Variants in HSF1 observed in about 807,000 individuals in gnomAD.
HSF1 encodes the protein heat shock factor protein 1.
A neutral mutation model predicts 51.7 loss-of-function variants in HSF1; 32 were observed. The observed-to-expected ratio is 0.62, with a 90% CI of 0.47 to 0.83. The LOEUF (loss-of-function observed/expected upper bound fraction) is 0.83, where lower values mean the gene tolerates loss of function less well. HSF1 is among the 40% of genes least tolerant of loss of function. The pLI is 0.00. For missense variants in HSF1, 727 were observed against 717.0 expected, an observed-to-expected ratio of 1.01 and a Z score of -0.16; for synonymous variants, 396 against 309.7, an observed-to-expected ratio of 1.28 and a Z score of -2.92.
At position 144,308,989 on chromosome 8, in the gene HSF1, C is replaced by G. The variant is rs138392604; in HGVS notation, c.201C>G (p.Ala67=). The G allele has an allele frequency of 3.7e-6, 6 of 1,613,832 alleles. No individual in the cohort carries two copies. The African/African-American group carries it at 8.0e-5, about 22-fold the overall frequency. Residue 67 remains alanine, a synonymous_variant, in exon 2 of 13, where the codon GCC becomes GCG. Coordinates refer to ENST00000528838, the MANE Select transcript of HSF1 (RefSeq NM_005526.4). ...AGTACTTCAAGCACAACAACATGGCCAGCTTCGTGCGGCAGCTCAACATGT... is the reference window on the plus strand; with the variant it reads ...AGTACTTCAAGCACAACAACATGGCGAGCTTCGTGCGGCAGCTCAACATGT... ...LPKYFKHNNM[A]SFVRQLNMYG...
At chr8:144,298,010 C>T (rs1315211223) in intron 1 of HSF1, among the ~76,000 whole-genome samples, 6 of 152,184 alleles carry the variant, frequency 3.9e-5, no homozygotes, top group African/African-American at 7.2e-5. Flanking sequence ...TTTGCTGACA[C>T]CTACACTTCT....
chr8:144,313,881 C>T lies in HSF1; in HGVS notation c.1284C>T (p.Ser428=). The stretch of plus-strand genomic sequence containing the variant: ...CCTCGGTGACCGTGCCCGACATGAG[C>T]CTGCCTGACCTTGACAGCAGCCTGG... The part of the protein sequence containing the change: ...FSPSVTVPDM[S]LPDLDSSLAS... Residue 428 remains serine (S), a synonymous_variant, in exon 11 of 13, where the codon AGC becomes AGT. Coordinates refer to ENST00000528838, the MANE Select transcript of HSF1 (RefSeq NM_005526.4). 2 of 1,607,530 alleles carry T rather than the reference C, an allele frequency of 1.2e-6. No homozygotes were observed. Among genetic ancestry groups the T allele is most frequent in the East Asian group, 2.2e-5 (1 of 44,684 alleles).
At chr8:144,308,462 T>A (rs1816371825) in intron 1 of HSF1, among the ~76,000 whole-genome samples, 1 of 152,240 alleles carries the variant, frequency 6.6e-6, no homozygotes, top group Admixed American at 6.5e-5. Flanking sequence ...AAATTAGGGC[T>A]CCATTTCCTT....
intron 4 of HSF1, chr8:144,310,829 T>G: frequency 2.8e-6 from 1 of 354,358 alleles, no homozygotes; most frequent in Middle Eastern, 8.7e-4. Flanking sequence ...GCTCAGGCCT[T>G]GGAAGGGCGG....
Position 144,314,503 on chromosome 8 carries a change from C to G in HSF1, c.*173C>G, listed in dbSNP as rs989808610. On this transcript the variant is annotated 3_prime_UTR_variant, in exon 13 of 13. Transcript: ENST00000528838. ...CCTCTGGTCAGGAGGGTCACCCTGG[C>G]CTGCCAGTCTGCCTTCCCCCAACCC... 5 of 622,102 alleles carry G rather than the reference C, an allele frequency of 8.0e-6. No homozygotes were observed. The Admixed American group carries it at 8.8e-5, about 11-fold the overall frequency. 38.5% of individuals were successfully genotyped at this position (622,102 alleles called of 1,614,324 possible).
At chr8:144,305,433 G>A (rs1307244894) in intron 1 of HSF1, among the ~76,000 whole-genome samples, 1 of 152,058 alleles carries the variant, frequency 6.6e-6, no homozygotes, top group African/African-American at 2.4e-5. Flanking sequence ...CCAAGTAGCT[G>A]GGATTACAGG....
Position 144,312,254 on chromosome 8 carries a change from GC to G in HSF1, c.1142+13del. 6.5e-7 allele frequency: 1 copy of G among 1,536,710 alleles called. No homozygotes were observed. Among genetic ancestry groups the G allele is most frequent in the Non-Finnish European group, 8.7e-7 (1 of 1,145,782 alleles). On this transcript the variant is annotated intron_variant, in intron 9 of 12. Coordinates refer to ENST00000528838, the MANE Select transcript of HSF1 (RefSeq NM_005526.4). ...TAGCCTGCCTGGACAAGTGAGTGCC[GC>G]CCACCCCTGGCCCCACCCACAGCGC... is the stretch of plus-strand genomic sequence containing the variant.
Position 144,311,400 on chromosome 8 carries a change from C to G in HSF1, c.626+18C>G, listed in dbSNP as rs782023628. On this transcript the variant is annotated intron_variant, in intron 6 of 12. Transcript: ENST00000528838. ...AGAAAGATGTGAGGTTTTGGGGATG[C>G]CTGCATCCACCACCCGGGGCCCAGG... 1 of 1,613,606 alleles carries G rather than the reference C, an allele frequency of 6.2e-7. No individual in the cohort carries two copies. Among genetic ancestry groups the G allele is most frequent in the Admixed American group, 1.7e-5 (1 of 60,020 alleles).
intron 1 of HSF1, among the ~76,000 whole-genome samples, chr8:144,302,153 G>A (rs1477575043): frequency 6.0e-5 from 9 of 150,966 alleles, no homozygotes; most frequent in Non-Finnish European, 7.4e-5. Flanking sequence ...GCGACACAGC[G>A]AGACTCCGTC....
At position 144,291,848 on chromosome 8, in the gene HSF1, A is replaced by G. The variant is rs782602746; in HGVS notation, c.91A>G (p.Thr31Ala). The G allele has an allele frequency of 2.7e-5, 42 of 1,542,874 alleles. No individual in the cohort carries two copies. Among genetic ancestry groups the G allele is most frequent in the Non-Finnish European group, 3.6e-5 (41 of 1,149,824 alleles). ...GTGGACCCTCGTGAGCGACCCGGACACCGACGCGCTCATCTGCTGGAGCCC... is the reference window on the plus strand; with the variant it reads ...GTGGACCCTCGTGAGCGACCCGGACGCCGACGCGCTCATCTGCTGGAGCCC... ...KLWTLVSDPD[T>A]DALICWSPSG... Residue 31 changes from threonine (T) to alanine (A), a missense_variant, in exon 1 of 13, where the codon ACC (threonine) becomes GCC (alanine). By Grantham distance (58) the Thr-to-Ala change is moderately conservative. This residue lies in a region of HSF1 where 257 missense variants were observed against 318.3 expected (regional missense o/e 0.81). Transcript: ENST00000528838. The surrounding 1 kb of genome is among the most constrained non-coding windows in gnomAD (Gnocchi z 4.1).
intron 1 of HSF1, among the ~76,000 whole-genome samples, chr8:144,301,048 C>T (rs138224530): frequency 0.014 from 2,206 of 152,290 alleles, 54 homozygotes; most frequent in African/African-American, 0.05. Context: ...AAAAACTTAG[C>T]CGAGCTTCAA....
intron 1 of HSF1, among the ~76,000 whole-genome samples, chr8:144,308,228 G>A (rs1171193136): frequency 1.3e-5 from 2 of 152,278 alleles, no homozygotes; most frequent in Non-Finnish European, 2.9e-5. Context: ...TGGGCTTCTC[G>A]CTGTCCCCTA....
Position 144,291,850 on chromosome 8 carries a change from C to A in HSF1, c.93C>A (p.Thr31=). ...GGACCCTCGTGAGCGACCCGGACACCGACGCGCTCATCTGCTGGAGCCCGG... is the reference window on the plus strand; with the variant it reads ...GGACCCTCGTGAGCGACCCGGACACAGACGCGCTCATCTGCTGGAGCCCGG... ...KLWTLVSDPD[T]DALICWSPSG... Residue 31 remains threonine (T), a synonymous_variant, in exon 1 of 13, where the codon ACC becomes ACA. Transcript: ENST00000528838. This position sits in a 1 kb window ranked among gnomAD's most constrained non-coding sequence, Gnocchi z 4.1. 1 of 1,545,654 alleles carries A rather than the reference C, an allele frequency of 6.5e-7. No homozygotes were observed. Among genetic ancestry groups the A allele is most frequent in the East Asian group, 2.7e-5 (1 of 37,506 alleles).
chr8:144,311,623 C>G (rs374221336), intron 7 of HSF1, 22 bp downstream of exon 7: 44 of 1,612,680 alleles, frequency 2.7e-5, no homozygotes, highest in Non-Finnish European at 3.7e-5. Context: ...AGACAGGGCA[C>G]CCGCCCAGGC....
chr8:144,308,470 C>T (rs1816372284), intron 1 of HSF1, among the ~76,000 whole-genome samples: 2 of 152,252 alleles, frequency 1.3e-5, no homozygotes, highest in Non-Finnish European at 2.9e-5. Flanking sequence ...GCTCCATTTC[C>T]TTCGCTGTTC....
At chr8:144,311,427 C>T (rs782145950) in intron 6 of HSF1, 45 bp downstream of exon 6, 2 of 1,612,392 alleles carry the variant, frequency 1.2e-6, no homozygotes, top group Non-Finnish European at 1.7e-6. Flanking sequence ...GGGCCCAGGG[C>T]TGTCCCCCTT....
rs565681700 is a variant in HSF1, at chr8:144,313,969, C to T, written c.1315-16C>T. 35 of 1,610,858 alleles carry T rather than the reference C, an allele frequency of 2.2e-5. 1 individual carries two copies. Among genetic ancestry groups the T allele is most frequent in the African/African-American group, 1.2e-4 (9 of 74,430 alleles). Reference sequence around the variant, plus strand: ...AGACCAGCGGGAGTGCTCACAATACCGTCTCCACCCCACAGATCCAAGAGC... The same window carrying T: ...AGACCAGCGGGAGTGCTCACAATACTGTCTCCACCCCACAGATCCAAGAGC... On this transcript the variant is annotated splice_polypyrimidine_tract_variant and intron_variant, in intron 11 of 12. Coordinates refer to ENST00000528838, the MANE Select transcript of HSF1 (RefSeq NM_005526.4).
chr8:144,314,232 T>G lies in HSF1; in HGVS notation c.1492T>G (p.Ser498Ala). 6.5e-7 allele frequency: 1 copy of G among 1,550,192 alleles called. No homozygotes were observed. Among genetic ancestry groups the G allele is most frequent in the Non-Finnish European group, 8.7e-7 (1 of 1,146,926 alleles). Residue 498 changes from serine (S) to alanine (A), a missense_variant, in exon 13 of 13, where the codon TCC becomes GCC. Ser to Ala is a moderately conservative substitution (Grantham distance 99). Around this residue, in one of 2 missense-constraint regions of HSF1, gnomAD observed 470 missense variants for 398.8 expected, o/e 1.18. Transcript: ENST00000528838. The part of the protein sequence containing the change: ...LPVLFELGEG[S>A]YFSEGDGFAE... ...GGTGCTGTTTGAGCTGGGAGAGGGC[T>G]CCTACTTCTCCGAAGGGGACGGCTT...
intron 1 of HSF1, among the ~76,000 whole-genome samples, chr8:144,296,403 G>A (rs1554841290): frequency 6.6e-6 from 1 of 152,232 alleles, no homozygotes; most frequent in Non-Finnish European, 1.5e-5. Flanking sequence ...TTTGGCCCAA[G>A]ATGCTGGAGG....
Sources: gnomAD v4.1 joint callset for allele counts (sites outside exome capture counted in the v4.1 genomes callset) on GRCh38, gnomAD v4.1.1 for gene constraint, gnomAD v4.1.1 regional missense constraint, Gnocchi (gnomAD v3.1) non-coding constraint, MANE v1.5 for transcripts, NCBI Gene and HGNC (gene_info 2026-07-23, HGNC 2026-07-21) for gene names.